AKT3: variants seen among roughly 807,000 people sequenced by gnomAD.
AKT3 encodes the protein RAC-gamma serine/threonine-protein kinase.
In AKT3, 15 loss-of-function variants were observed where a neutral mutation model predicts 65.3. The observed-to-expected ratio is 0.23, with a 90% CI of 0.15 to 0.35. The LOEUF is 0.35. AKT3 is among the 10% of genes least tolerant of loss of function. AKT3 has a pLI of 1.00. For missense variants in AKT3, 243 were observed against 576.5 expected, an observed-to-expected ratio of 0.42 and a Z score of 5.92; for synonymous variants, 206 against 183.8, an observed-to-expected ratio of 1.12 and a Z score of -0.98.
intron 2 of AKT3, 142 bp from the exon 3 acceptor site, chr1:243,695,858 C>A: frequency 1.7e-6 from 1 of 593,490 alleles, no homozygotes; most frequent in Admixed American, 4.3e-5. Flanking sequence ...ACTTAGCTTA[C>A]AAAAGAAAAT....
intron 8 of AKT3, among the ~76,000 whole-genome samples, chr1:243,577,783 T>C (rs1675048995): frequency 6.6e-6 from 1 of 152,062 alleles, no homozygotes; most frequent in Admixed American, 6.5e-5. Flanking sequence ...TTTTGCAACC[T>C]AGCCATCTGA....
At chr1:243,543,828 T>G (rs1462476824) in intron 12 of AKT3, among the ~76,000 whole-genome samples, 1 of 152,200 alleles carries the variant, frequency 6.6e-6, no homozygotes, top group African/African-American at 2.4e-5. Context: ...GATATGTGAG[T>G]TGAATCGAGT....
At chr1:243,522,702 C>T (rs553452451) in intron 12 of AKT3, among the ~76,000 whole-genome samples, 1 of 151,956 alleles carries the variant, frequency 6.6e-6, no homozygotes, top group African/African-American at 2.4e-5. Flanking sequence ...AAACTTGGGA[C>T]CTGTTTCAAT....
At chr1:243,614,589 T>C (rs1208708930) in intron 7 of AKT3, among the ~76,000 whole-genome samples, 2 of 152,172 alleles carry the variant, frequency 1.3e-5, no homozygotes, top group African/African-American at 2.4e-5. Flanking sequence ...CCACCTCTAA[T>C]GTATTTAGCA....
chr1:243,668,133 A>G (rs1558700588), intron 3 of AKT3, among the ~76,000 whole-genome samples: 3 of 152,148 alleles, frequency 2.0e-5, no homozygotes, highest in South Asian at 2.1e-4. Context: ...AGCTCCATTC[A>G]TATATTCTTA....
At chr1:243,835,573 A>G (rs1694845060) in intron 2 of AKT3, among the ~76,000 whole-genome samples, 1 of 152,224 alleles carries the variant, frequency 6.6e-6, no homozygotes, top group Non-Finnish European at 1.5e-5. Flanking sequence ...GAGCCTCTTT[A>G]GAAAACTCCC....
chr1:243,771,012 T>A (rs1690147751), intron 2 of AKT3, among the ~76,000 whole-genome samples: 1 of 152,140 alleles, frequency 6.6e-6, no homozygotes, highest in Non-Finnish European at 1.5e-5. Context: ...ATGCATGATT[T>A]CAGGGAAAAA....
In AKT3 at chr1:243,756,368, CA is replaced by C. The variant is rs1689137796; in HGVS notation, c.47-60653del. ...TTCCAGGGCTGAAGCAGGGATATCA[CA>C]AGCGGAGCTGGGACCATCTTACTGT... is the stretch of plus-strand genomic sequence containing the variant. On this transcript the variant is annotated intron_variant, in intron 2 of 13. Coordinates refer to ENST00000673466, the MANE Select transcript of AKT3 (RefSeq NM_005465.7). 2.0e-5 allele frequency among the ~76,000 whole-genome samples: 3 copies of C among 152,236 alleles called. No individual in the cohort carries two copies. The South Asian group carries it at 6.2e-4, about 32-fold the overall frequency.
At chr1:243,651,191 G>A (rs1681290536) in intron 4 of AKT3, among the ~76,000 whole-genome samples, 1 of 151,802 alleles carries the variant, frequency 6.6e-6, no homozygotes, top group Non-Finnish European at 1.5e-5. Context: ...CTCATGGTTT[G>A]GCTGTTTATT....
chr1:243,513,138 G>A (rs926463577), intron 12 of AKT3, among the ~76,000 whole-genome samples: 5 of 152,190 alleles, frequency 3.3e-5, no homozygotes, highest in Admixed American at 6.5e-5. Context: ...AGGGAAGGTG[G>A]GGGTGGAAGG....
chr1:243,669,350 G>C (rs1320470033), intron 3 of AKT3, among the ~76,000 whole-genome samples: 2 of 152,150 alleles, frequency 1.3e-5, no homozygotes, highest in Non-Finnish European at 2.9e-5. Context: ...TTAAATGAGG[G>C]GCGTGCCCAA....
intron 2 of AKT3, among the ~76,000 whole-genome samples, chr1:243,721,559 G>A (rs1159050673): frequency 6.6e-6 from 1 of 151,996 alleles, no homozygotes; most frequent in East Asian, 1.9e-4. Flanking sequence ...TTTTGTTATA[G>A]GAGTGTTGGC....
chr1:243,514,986 T>G (rs1199166954), intron 12 of AKT3, among the ~76,000 whole-genome samples: 3 of 152,218 alleles, frequency 2.0e-5, no homozygotes, highest in Admixed American at 2.0e-4. Context: ...AGGCCATGAC[T>G]GACATACTTT....
intron 2 of AKT3, among the ~76,000 whole-genome samples, chr1:243,818,675 A>C (rs931220026): frequency 8.5e-5 from 13 of 152,190 alleles, no homozygotes; most frequent in Admixed American, 5.2e-4. Flanking sequence ...CTAATTTGAT[A>C]ATTTTATTCA....
chr1:243,614,198 G>C (rs572818415), intron 7 of AKT3, among the ~76,000 whole-genome samples: 5 of 152,186 alleles, frequency 3.3e-5, no homozygotes, highest in South Asian at 2.1e-4. Context: ...CAACCTAACA[G>C]AGTTGGTTTA....
At chr1:243,839,232 T>C (rs1695083771) in intron 2 of AKT3, among the ~76,000 whole-genome samples, 1 of 152,176 alleles carries the variant, frequency 6.6e-6, no homozygotes, top group Non-Finnish European at 1.5e-5. Flanking sequence ...CTAAGTACCT[T>C]CATAGCAAAT....
At chr1:243,750,989 T>C (rs766286009) in intron 2 of AKT3, among the ~76,000 whole-genome samples, 2 of 152,192 alleles carry the variant, frequency 1.3e-5, no homozygotes, top group Non-Finnish European at 2.9e-5. Context: ...TATCAGTCTA[T>C]AAACACTACA....
chr1:243,527,524 C>T (rs1671190984), intron 12 of AKT3, among the ~76,000 whole-genome samples: 1 of 152,090 alleles, frequency 6.6e-6, no homozygotes, highest in Non-Finnish European at 1.5e-5. Context: ...AGGAACAAGG[C>T]TTTAGCAGTC....
chr1:243,818,087 T>A (rs1311837940), intron 2 of AKT3: 3 of 152,188 alleles, frequency 2.0e-5, no homozygotes, highest in African/African-American at 4.8e-5. Context: ...TGAGAGCAGA[T>A]TAAAACTGGA....
Sources: allele counts gnomAD v4.1 joint callset (sites outside exome capture counted in the v4.1 genomes callset), GRCh38; gene constraint gnomAD v4.1.1; transcripts MANE v1.5; gene names NCBI Gene and HGNC (gene_info 2026-07-23, HGNC 2026-07-21).